The following NTM variants were observed in gnomAD, a reference collection of about 807,000 sequenced individuals.
The protein encoded by NTM is neurotrimin, also known as IgLON family member 2.
Under a neutral mutation model 42.1 loss-of-function variants are expected in NTM, and 13 were observed. The ratio of observed to expected loss-of-function variants is 0.31; its 90% CI spans 0.20 to 0.49. The LOEUF (loss-of-function observed/expected upper bound fraction) is 0.49, where lower values mean the gene tolerates loss of function less well. Ranked by LOEUF, NTM falls within the 20% of genes least tolerant of loss-of-function variation. NTM has a pLI of 0.99. For missense variants in NTM, 373 were observed against 452.8 expected (o/e 0.82, Z 1.60); for synonymous variants, 187 against 179.2 (o/e 1.04, Z -0.35).
chr11:131,489,797 C>T (rs1010702971), intron 1 of NTM, among the ~76,000 whole-genome samples: 1 of 152,240 alleles, frequency 6.6e-6, no homozygotes, highest in Non-Finnish European at 1.5e-5. Flanking sequence ...GCCAAGTTCA[C>T]AATGTATTCA....
intron 1 of NTM, among the ~76,000 whole-genome samples, chr11:131,492,043 G>C (rs1954854511): frequency 6.6e-6 from 1 of 152,192 alleles, no homozygotes; most frequent in African/African-American, 2.4e-5. Flanking sequence ...AAGGCATGGA[G>C]ACATTCAAGA....
At chr11:132,130,555 G>A (rs2066632602) in intron 2 of NTM, among the ~76,000 whole-genome samples, 1 of 152,184 alleles carries the variant, frequency 6.6e-6, no homozygotes, top group African/African-American at 2.4e-5. Context: ...TTTCTCTCAA[G>A]AATTTGCATA....
intron 4 of NTM, among the ~76,000 whole-genome samples, chr11:132,247,213 A>G (rs2091308236): frequency 6.6e-6 from 1 of 152,214 alleles, no homozygotes; most frequent in Admixed American, 6.5e-5. Flanking sequence ...TCCAGCTCAC[A>G]GAAGAGACAG....
At chr11:131,979,177 A>T (rs1265600697) in intron 2 of NTM, among the ~76,000 whole-genome samples, 1 of 152,160 alleles carries the variant, frequency 6.6e-6, no homozygotes, top group Admixed American at 6.5e-5. Flanking sequence ...TATTCTTTTG[A>T]TGCTATACAC....
chr11:131,842,545 TA>T lies in NTM; in HGVS notation c.83-69014del, dbSNP rs911023204. Among the ~76,000 whole-genome samples the T allele has an allele frequency of 3.8e-3, 575 of 152,220 alleles. 4 individuals are homozygous for T. Among genetic ancestry groups the T allele is most frequent in the African/African-American group, 0.014 (566 of 41,522 alleles). On this transcript the variant is annotated intron_variant, in intron 1 of 8. Coordinates refer to ENST00000683400, the MANE Select transcript of NTM (RefSeq NM_001352005.2). ...AATCTGCTGACTCCTGAAGGTGACCTAAAAATGAACATTATCTACTAAGCAT... is the reference window on the plus strand; with the variant it reads ...AATCTGCTGACTCCTGAAGGTGACCTAAAATGAACATTATCTACTAAGCAT...
intron 2 of NTM, among the ~76,000 whole-genome samples, chr11:131,925,383 CTT>C (rs61493262): frequency 1.7e-4 from 19 of 111,440 alleles, no homozygotes; most frequent in African/African-American, 4.3e-4. Context: ...TTTCTTTTCT[CTT>C]TTTTTTTTTT....
At chr11:132,303,592 C>G (rs2140141111) in intron 4 of NTM, among the ~76,000 whole-genome samples, 1 of 151,860 alleles carries the variant, frequency 6.6e-6, no homozygotes, top group East Asian at 1.9e-4. Context: ...GTTAGGATCT[C>G]AACATACCTT....
chr11:131,639,509 A>G (rs1592322417), intron 1 of NTM, among the ~76,000 whole-genome samples: 1 of 152,240 alleles, frequency 6.6e-6, no homozygotes, highest in Non-Finnish European at 1.5e-5. Flanking sequence ...TAGGTCAGAT[A>G]TAGTTCTGCA....
intron 1 of NTM, among the ~76,000 whole-genome samples, chr11:131,767,434 A>G (rs10736600): frequency 0.49 from 74,638 of 151,886 alleles, 18,425 homozygotes; most frequent in East Asian, 0.62. Flanking sequence ...TGGACTACAT[A>G]TTTGTGTCTC....
intron 1 of NTM, among the ~76,000 whole-genome samples, chr11:131,574,098 G>A (rs867224521): frequency 6.6e-6 from 1 of 152,212 alleles, no homozygotes; most frequent in Non-Finnish European, 1.5e-5. Context: ...TAGACGCCCA[G>A]TGTGGTGTCT....
rs528461552 is a variant in NTM, at chr11:131,981,937, G to A, written c.167+70289G>A. Among the ~76,000 whole-genome samples the A allele has an allele frequency of 1.6e-3, 237 of 152,206 alleles. 2 individuals carry two copies. The highest frequency in any genetic ancestry group is 5.5e-3 in the African/African-American group (229 of 41,534). ...TGAGGCAGGATAATTGCTTGAACCTGGGAGGCGGAAGTTGCAGTGAGCCAA... is the reference window on the plus strand; with the variant it reads ...TGAGGCAGGATAATTGCTTGAACCTAGGAGGCGGAAGTTGCAGTGAGCCAA... On this transcript the variant is annotated intron_variant, in intron 2 of 8. Transcript: ENST00000683400.
chr11:132,017,987 T>C (rs2073703177), intron 2 of NTM, among the ~76,000 whole-genome samples: 2 of 152,076 alleles, frequency 1.3e-5, no homozygotes. Context: ...GAAACCTTGC[T>C]AAATTGTTTA....
chr11:131,479,025 C>T (rs1166148051), intron 1 of NTM, among the ~76,000 whole-genome samples: 3 of 152,222 alleles, frequency 2.0e-5, no homozygotes, highest in Non-Finnish European at 4.4e-5. Context: ...CCCCGCACGC[C>T]ACCTTGCAAA....
chr11:131,463,957 G>A (rs998720357), intron 1 of NTM, among the ~76,000 whole-genome samples: 2 of 152,222 alleles, frequency 1.3e-5, no homozygotes, highest in Non-Finnish European at 2.9e-5. Flanking sequence ...AACGGGACTG[G>A]CGATAAAGCA....
At chr11:132,126,910 GCTC>G (rs949748763) in intron 2 of NTM, among the ~76,000 whole-genome samples, 9 of 152,158 alleles carry the variant, frequency 5.9e-5, no homozygotes, top group African/African-American at 1.9e-4. Context: ...TCAAGCATCT[GCTC>G]CTTTCAAATG....
At chr11:131,444,928 A>G (rs1591684025) in intron 1 of NTM, among the ~76,000 whole-genome samples, 1 of 152,350 alleles carries the variant, frequency 6.6e-6, no homozygotes, top group East Asian at 1.9e-4. Flanking sequence ...AAATCAGGAA[A>G]GGGGTACGTA....
intron 4 of NTM, among the ~76,000 whole-genome samples, chr11:132,252,388 C>T (rs142722677): frequency 6.6e-6 from 1 of 152,212 alleles, no homozygotes; most frequent in East Asian, 1.9e-4. Flanking sequence ...GGGCTGGCTG[C>T]AGGAATATCC....
intron 1 of NTM, among the ~76,000 whole-genome samples, chr11:131,608,440 C>A (rs1373695015): frequency 6.6e-6 from 1 of 152,188 alleles, no homozygotes; most frequent in African/African-American, 2.4e-5. Context: ...TGCTTCATAT[C>A]AACTGACAGT....
chr11:131,833,399 C>CA lies in NTM; in HGVS notation c.83-78164dup, dbSNP rs2043071670. 2.6e-5 allele frequency among the ~76,000 whole-genome samples: 4 copies of CA among 152,298 alleles called. No individual in the cohort carries two copies. In the South Asian group the frequency reaches 8.3e-4, roughly 32 times the overall value. ...ACTACCTCATGTAACCCCCAGCATA[C>CA]ACCATGAAGTAGATACTAATTGTAT... On this transcript the variant is annotated intron_variant, in intron 1 of 8. Coordinates refer to ENST00000683400, the MANE Select transcript of NTM (RefSeq NM_001352005.2).
Sources: gnomAD v4.1 joint callset for allele counts (sites outside exome capture counted in the v4.1 genomes callset) on GRCh38, gnomAD v4.1.1 for gene constraint, MANE v1.5 for transcripts, NCBI Gene and HGNC (gene_info 2026-07-23, HGNC 2026-07-21) for gene names.